Variants in AFAP1L1 observed in about 807,000 individuals in gnomAD.
AFAP1L1 encodes actin filament associated protein 1 like 1.
AFAP1L1 carries 77 observed loss-of-function variants against 99.8 expected under a neutral mutation model. The ratio of observed to expected loss-of-function variants is 0.77; its 90% confidence interval spans 0.64 to 0.93. The LOEUF (loss-of-function observed/expected upper bound fraction) is 0.93. Ranked by LOEUF, AFAP1L1 falls within the 40% of genes least tolerant of loss-of-function variation. The pLI is 0.00. For synonymous variants in AFAP1L1, 373 were observed against 395.3 expected (o/e 0.94, Z 0.67); for missense variants, 893 against 996.8 (o/e 0.90, Z 1.40).
intron 1 of AFAP1L1, among the ~76,000 whole-genome samples, chr5:149,285,377 A>C (rs1755645368): frequency 6.6e-6 from 1 of 152,186 alleles, no homozygotes; most frequent in South Asian, 2.1e-4. Context: ...ATTCATATGT[A>C]CCTGGCATGA....
chr5:149,302,600 C>T, intron 5 of AFAP1L1, 74 bp downstream of exon 5: 2 of 1,299,046 alleles, frequency 1.5e-6, no homozygotes, highest in Admixed American at 2.2e-5. Context: ...CCTCTGTGTC[C>T]TGTGGGAGCT....
chr5:149,327,908 T>G (rs769712161), intron 15 of AFAP1L1, among the ~76,000 whole-genome samples: 15 of 152,254 alleles, frequency 9.9e-5, no homozygotes, highest in Middle Eastern at 3.4e-3. Flanking sequence ...ACTTGCCAAA[T>G]TTATTGAAAA....
rs771439330 is a variant in AFAP1L1 at position 149,315,903 on chromosome 5, C to G, written c.1103C>G (p.Thr368Ser). 6 of 1,614,030 alleles carry G rather than the reference C, an allele frequency of 3.7e-6. No homozygotes were observed. The highest frequency in any genetic ancestry group is 1.7e-4 in the Middle Eastern group (1 of 6,050). Residue 368 changes from threonine (T) to serine (S), a missense_variant, in exon 10 of 19, where the codon ACC becomes AGC. Physicochemically the swap from Thr to Ser is moderately conservative, Grantham distance 58. Transcript: ENST00000296721. The stretch of plus-strand genomic sequence containing the variant: ...TGTTCTACCCTTGGCCGCCGGGAGA[C>G]CTGTGATCACGGTAGGAGCCTCTGG... ...DNCSTLGRRE[T>S]CDHGKGKKSS...
In AFAP1L1 at chr5:149,307,510, T is replaced by C; in HGVS notation, c.644T>C (p.Met215Thr). 5 of 1,614,128 alleles carry C rather than the reference T, an allele frequency of 3.1e-6. No individual in the cohort carries two copies. The highest frequency in any genetic ancestry group is 2.2e-5 in the East Asian group (1 of 44,850). ...RHQWPSEEAS[M>T]HLVRECRICA... The stretch of plus-strand genomic sequence containing the variant: ...CAGTGGCCCTCAGAGGAGGCCTCCA[T>C]GCACCTGGTGAGGGAATGCAGGATA... Residue 215 changes from methionine to threonine, a missense_variant, in exon 7 of 19, where the codon ATG becomes ACG. Transcript: ENST00000296721.
rs114830025 is a variant in AFAP1L1, at chr5:149,281,209, C to T, written c.16+9225C>T. ...GGGACTCATCAGACAGAGAATTGACCCACTAAATTCTTTTTTCTGGAGACC... is the reference window on the plus strand; with the variant it reads ...GGGACTCATCAGACAGAGAATTGACTCACTAAATTCTTTTTTCTGGAGACC... On this transcript the variant is annotated intron_variant, in intron 1 of 18. Coordinates refer to ENST00000296721, the MANE Select transcript of AFAP1L1 (RefSeq NM_152406.4). Among the ~76,000 whole-genome samples the T allele has an allele frequency of 2.3e-3, 349 of 152,186 alleles. 2 individuals are homozygous for T. The highest frequency in any genetic ancestry group is 8.1e-3 in the African/African-American group (335 of 41,522).
At chr5:149,324,567 C>G (rs764976100) in intron 15 of AFAP1L1, among the ~76,000 whole-genome samples, 8 of 152,208 alleles carry the variant, frequency 5.3e-5, no homozygotes, top group Non-Finnish European at 8.8e-5. Flanking sequence ...AATTTAGCTC[C>G]TCTAAACAAT....
rs1035586767 is a variant in AFAP1L1, at chr5:149,342,733, A to G, written c.*2703A>G. Reference sequence around the variant, plus strand: ...TCAAGACCAGCCTGGCCAACATGGCAAAACCCCATCTCTATCAAAAATACA... The same window carrying G: ...TCAAGACCAGCCTGGCCAACATGGCGAAACCCCATCTCTATCAAAAATACA... On this transcript the variant is annotated 3_prime_UTR_variant, in exon 19 of 19. Coordinates refer to ENST00000296721, the MANE Select transcript of AFAP1L1 (RefSeq NM_152406.4). 6.6e-5 allele frequency among the ~76,000 whole-genome samples: 10 copies of G among 152,290 alleles called. No individual in the cohort carries two copies. The highest frequency in any genetic ancestry group is 2.2e-4 in the African/African-American group (9 of 41,562).
chr5:149,337,310 C>A (rs778402212), intron 18 of AFAP1L1, among the ~76,000 whole-genome samples: 5 of 151,450 alleles, frequency 3.3e-5, no homozygotes, highest in Non-Finnish European at 7.4e-5. Context: ...GTTCTCACCA[C>A]ACACACACAC....
At chr5:149,306,447 C>T (rs760254303) in intron 6 of AFAP1L1, 43 bp downstream of exon 6, 2 of 1,549,006 alleles carry the variant, frequency 1.3e-6, no homozygotes, top group Admixed American at 3.6e-5. Flanking sequence ...AGGGCTTCTG[C>T]CCTTGCAAAG....
At chr5:149,284,696 A>T (rs182995439) in intron 1 of AFAP1L1, among the ~76,000 whole-genome samples, 85 of 152,298 alleles carry the variant, frequency 5.6e-4, no homozygotes, top group African/African-American at 2.0e-3. Flanking sequence ...ACAAAGGAAA[A>T]CTGGTGTTCT....
intron 1 of AFAP1L1, among the ~76,000 whole-genome samples, chr5:149,290,090 G>A (rs750223063): frequency 9.2e-5 from 14 of 152,102 alleles, no homozygotes; most frequent in South Asian, 2.1e-4. Context: ...AAAATTAGCC[G>A]GGCGTGGTAG....
At chr5:149,275,128 C>G (rs1000636071) in intron 1 of AFAP1L1, among the ~76,000 whole-genome samples, 5 of 152,174 alleles carry the variant, frequency 3.3e-5, no homozygotes, top group African/African-American at 1.2e-4. Flanking sequence ...CTGTCCTCAG[C>G]TTCTTATGTG....
In AFAP1L1 at chr5:149,322,681, G is replaced by A. The variant is rs1462748577; in HGVS notation, c.1774G>A (p.Val592Met). ...ASSCSEKSHR[V>M]DPQVKVKRHA... ...CTCCTGCAGTGAGAAGTCCCATCGT[G>A]TGGACCCGCAGGTCAAAGTCAAACG... The change falls in exon 15 of 19, where the codon GTG becomes ATG. Residue 592 changes from valine (V) to methionine (M), a missense_variant. Physicochemically the swap from Val to Met is conservative, Grantham distance 21. Transcript: ENST00000296721. 1.3e-6 allele frequency: 2 copies of A among 1,593,676 alleles called. No homozygotes were observed. Among genetic ancestry groups the A allele is most frequent in the Non-Finnish European group, 1.7e-6 (2 of 1,169,314 alleles).
At chr5:149,276,797 G>T (rs1164702641) in intron 1 of AFAP1L1, 1 of 152,214 alleles carries the variant, frequency 6.6e-6, no homozygotes, top group East Asian at 1.9e-4. Context: ...GAATTAGACA[G>T]CTTTGTGTAC....
At chr5:149,315,797 G>C (rs1199780362) in intron 9 of AFAP1L1, 24 bp from the exon 10 acceptor site, 3 of 1,610,352 alleles carry the variant, frequency 1.9e-6, no homozygotes, top group Non-Finnish European at 2.5e-6. Flanking sequence ...CCTCTGATGA[G>C]GGACTGCCTG....
At position 149,339,888 on chromosome 5, in the gene AFAP1L1, G is replaced by A. The variant is rs1334430951; in HGVS notation, c.2284-119G>A. On this transcript the variant is annotated intron_variant, in intron 18 of 18. Transcript: ENST00000296721. ...CCACAGAAAGAGAGAGAGGGGGTTA[G>A]AACCCAACGCAACCTGGCTAGTGGA... 6 of 1,025,578 alleles carry A rather than the reference G, an allele frequency of 5.9e-6. No individual in the cohort carries two copies. In the African/African-American group the frequency reaches 9.6e-5, roughly 16 times the overall value. 63.5% of individuals were successfully genotyped at this position (1,025,578 alleles called of 1,614,324 possible).
chr5:149,317,775 C>T lies in AFAP1L1; in HGVS notation c.1314C>T (p.Cys438=). The T allele has an allele frequency of 6.2e-7, 1 of 1,613,968 alleles. No homozygotes were observed. Among genetic ancestry groups the T allele is most frequent in the Admixed American group, 1.7e-5 (1 of 59,994 alleles). ...LVNQGWKERW[C]RLKCNTLYFH... ...ACCAGGGCTGGAAGGAACGCTGGTG[C>T]CGCCTGAAGTGCAACACTCTGTATT... is the stretch of plus-strand genomic sequence containing the variant. The change falls in exon 12 of 19, where the codon TGC becomes TGT. Residue 438 remains cysteine (C), a synonymous_variant. Coordinates refer to ENST00000296721, the MANE Select transcript of AFAP1L1 (RefSeq NM_152406.4).
At chr5:149,334,480 C>T (rs1373714968) in intron 17 of AFAP1L1, among the ~76,000 whole-genome samples, 10 of 152,178 alleles carry the variant, frequency 6.6e-5, no homozygotes, top group African/African-American at 2.2e-4. Context: ...CTCTAAATTC[C>T]TTGCAGGTTT....
Position 149,299,545 on chromosome 5 carries a change from T to G in AFAP1L1, c.53T>G (p.Leu18Arg). 1.2e-6 allele frequency: 2 copies of G among 1,614,096 alleles called. No homozygotes were observed. Among genetic ancestry groups the G allele is most frequent in the Non-Finnish European group, 1.7e-6 (2 of 1,180,000 alleles). The part of the protein sequence containing the change: ...EQLLPELTGL[L>R]SLLDHEYLSD... Reference sequence around the variant, plus strand: ...CTGCTCCCAGAGCTCACCGGGCTGCTCAGCCTCCTGGACCACGAGTACCTC... The same window carrying G: ...CTGCTCCCAGAGCTCACCGGGCTGCGCAGCCTCCTGGACCACGAGTACCTC... Residue 18 changes from leucine to arginine, a missense_variant, in exon 2 of 19, where the codon CTC (leucine) becomes CGC (arginine). Leu to Arg is a moderately radical substitution (Grantham distance 102). Transcript: ENST00000296721.
Sources: gnomAD v4.1 joint callset for allele counts (sites outside exome capture counted in the v4.1 genomes callset) on GRCh38, gnomAD v4.1.1 for gene constraint, MANE v1.5 for transcripts, NCBI Gene and HGNC (gene_info 2026-07-23, HGNC 2026-07-21) for gene names.